Variants in ZNF821 observed in about 807,000 individuals in gnomAD.
The protein encoded by ZNF821 is zinc finger protein 821.
A neutral mutation model predicts 44.3 loss-of-function variants in ZNF821; 16 were observed. The observed-to-expected ratio is 0.36, with a 90% CI of 0.24 to 0.55. ZNF821 has a LOEUF of 0.55. Among genes scored for constraint, ZNF821 ranks in the 20% least tolerant of loss-of-function variants. The pLI, the probability that ZNF821 is intolerant of heterozygous loss-of-function variation, is 0.86. For synonymous variants in ZNF821, 204 were observed against 197.6 expected (o/e 1.03, Z -0.27); for missense variants, 436 against 547.6 (o/e 0.80, Z 2.03).
At chr16:71,861,729 A>C in intron 7 of ZNF821, 47 bp downstream of exon 7, 1 of 1,607,148 alleles carries the variant, frequency 6.2e-7, no homozygotes, top group Non-Finnish European at 8.5e-7. Flanking sequence ...CAGAACTCAC[A>C]CCCAGTAATT....
chr16:71,883,296 A>C (rs2036619023), intron 1 of ZNF821, 23 bp from the exon 2 acceptor site: 3 of 435,336 alleles, frequency 6.9e-6, no homozygotes, highest in Non-Finnish European at 1.4e-5. Context: ...AGAGGACAAG[A>C]AAGCTGGTCA....
At chr16:71,892,665 C>G (rs1040191468) in intron 1 of ZNF821, among the ~76,000 whole-genome samples, 8 of 150,352 alleles carry the variant, frequency 5.3e-5, no homozygotes, top group Non-Finnish European at 1.2e-4. Flanking sequence ...TCCGCCTCCC[C>G]GGTTCAAGCG....
intron 6 of ZNF821, among the ~76,000 whole-genome samples, chr16:71,862,484 A>C (rs2142348820): frequency 6.6e-6 from 1 of 152,170 alleles, no homozygotes; most frequent in East Asian, 1.9e-4. Context: ...CAAAAACAAA[A>C]CAAAACAAAA....
exon 1 of ZNF821, chr16:71,895,005 G>A (rs1157237744): frequency 1.7e-6 from 1 of 595,764 alleles, no homozygotes; most frequent in Non-Finnish European, 2.9e-6. Flanking sequence ...TAAAAGCGGG[G>A]CGGGGGAACG....
chr16:71,870,571 C>T (rs1359093072), intron 3 of ZNF821, among the ~76,000 whole-genome samples: 1 of 150,494 alleles, frequency 6.6e-6, no homozygotes, highest in East Asian at 1.9e-4. Flanking sequence ...CCTCTGCTTC[C>T]TGTGTTCAAG....
intron 7 of ZNF821, 50 bp downstream of exon 7, chr16:71,861,726 C>CA: frequency 6.2e-7 from 1 of 1,606,370 alleles, no homozygotes; most frequent in Non-Finnish European, 8.5e-7. Flanking sequence ...AAGCAGAACT[C>CA]ACACCCAGTA....
chr16:71,880,714 C>G (rs12447045), intron 2 of ZNF821, among the ~76,000 whole-genome samples: 102,844 of 152,126 alleles, frequency 0.68, 36,646 homozygotes, highest in East Asian at 0.98. Context: ...AGTACTAATT[C>G]AACACCCCAG....
intron 3 of ZNF821, among the ~76,000 whole-genome samples, chr16:71,876,457 G>T (rs1449058644): frequency 6.6e-6 from 1 of 151,970 alleles, no homozygotes; most frequent in Admixed American, 6.6e-5. Context: ...CTCCTGCCTC[G>T]GCCTCCCAAA....
intron 3 of ZNF821, among the ~76,000 whole-genome samples, chr16:71,868,725 T>G (rs2034832351): frequency 6.6e-6 from 1 of 151,864 alleles, no homozygotes; most frequent in African/African-American, 2.4e-5. Flanking sequence ...CAAATAATAT[T>G]CATGTAGTCT....
chr16:71,885,708 T>TA (rs2036825906), upstream of ZNF821, among the ~76,000 whole-genome samples: 3 of 152,234 alleles, frequency 2.0e-5, no homozygotes, highest in Non-Finnish European at 2.9e-5. Context: ...ATCTTGGTCC[T>TA]TCACAATTCT....
In ZNF821 at chr16:71,894,405, A is replaced by G. The variant is rs375923002; in HGVS notation, n.448+484T>C. ...GTAGCTGGGATTACAGGCTTGCGCC[A>G]CCATGCGTAATTTCCTCTTTAGTAG... On this transcript the variant is annotated intron_variant and non_coding_transcript_variant, in intron 1 of 2. Coordinates refer to the ZNF821 transcript ENST00000561700. 3.0e-3 allele frequency: 465 copies of G among 153,984 alleles called. 3 individuals are homozygous for G. Among genetic ancestry groups the G allele is most frequent in the African/African-American group, 0.011 (446 of 41,290 alleles). The allele number at this position is 153,984 out of a possible 1,614,324, so 9.5% of individuals were successfully genotyped here.
intron 3 of ZNF821, among the ~76,000 whole-genome samples, chr16:71,877,488 G>A (rs2035946697): frequency 6.6e-6 from 1 of 151,890 alleles, no homozygotes. Flanking sequence ...TCGAACTCTT[G>A]GGCTCATGCA....
chr16:71,887,758 C>T (rs1404230238), upstream of ZNF821, among the ~76,000 whole-genome samples: 2 of 151,944 alleles, frequency 1.3e-5, no homozygotes, highest in Non-Finnish European at 2.9e-5. Flanking sequence ...TTGCATTTCT[C>T]TAATGACTAA....
At chr16:71,879,532 T>C (rs2036204399) in intron 3 of ZNF821, among the ~76,000 whole-genome samples, 1 of 152,174 alleles carries the variant, frequency 6.6e-6, no homozygotes, top group Non-Finnish European at 1.5e-5. Context: ...CATATTTATA[T>C]ATCTGAGGTT....
chr16:71,871,297 A>G (rs2035169455), intron 3 of ZNF821, among the ~76,000 whole-genome samples: 3 of 152,212 alleles, frequency 2.0e-5, no homozygotes, highest in Admixed American at 6.5e-5. Context: ...GACTTGGGAA[A>G]AAGAATAAAG....
In ZNF821 at chr16:71,880,008, C is replaced by T; in HGVS notation, c.-62G>A. The T allele has an allele frequency of 1.3e-6, 2 of 1,504,480 alleles. No homozygotes were observed. The highest frequency in any genetic ancestry group is 1.8e-6 in the Non-Finnish European group (2 of 1,092,010). 93.2% of individuals were successfully genotyped at this position (1,504,480 alleles called of 1,614,324 possible). On this transcript the variant is annotated 5_prime_UTR_variant, in exon 3 of 8. Coordinates refer to ENST00000425432, the MANE Select transcript of ZNF821 (RefSeq NM_001201552.2). ...TCACGACTGGATATGTTACTACCTC[C>T]TTGCAAGATGCTAACCTGCAATAAA...
rs1351800254 is a variant in ZNF821 at position 71,860,619 on chromosome 16, T to C, written c.638A>G (p.Glu213Gly). The C allele has an allele frequency of 6.8e-6, 11 of 1,613,908 alleles. No individual in the cohort carries two copies. Among genetic ancestry groups the C allele is most frequent in the Middle Eastern group, 3.3e-4 (2 of 6,084 alleles). The change falls in exon 8 of 8, where the codon GAG becomes GGG. Residue 213 changes from glutamate to glycine, a missense_variant. This residue lies in a region of ZNF821 where 238 missense variants were observed against 281.4 expected (regional missense o/e 0.85). Coordinates refer to ENST00000425432, the MANE Select transcript of ZNF821 (RefSeq NM_001201552.2). This position sits in a 1 kb window ranked among gnomAD's most constrained non-coding sequence, Gnocchi z 7.3. ...NMESLPTVHN[E>G]GPSSAEGKDI... The stretch of plus-strand genomic sequence containing the variant: ...CTTCCCCTCAGCACTGGAGGGACCC[T>C]CATTGTGGACTGTGGGTAGGGATTC...
chr16:71,886,122 C>T (rs958099683), upstream of ZNF821, among the ~76,000 whole-genome samples: 4 of 152,210 alleles, frequency 2.6e-5, no homozygotes, highest in Non-Finnish European at 5.9e-5. Context: ...ATCTCCTTGA[C>T]TTCCAAATAA....
chr16:71,882,905 A>T (rs2036578987), intron 2 of ZNF821, among the ~76,000 whole-genome samples: 1 of 152,192 alleles, frequency 6.6e-6, no homozygotes, highest in Non-Finnish European at 1.5e-5. Context: ...CACTGCCTCA[A>T]TTTCCAAGCC....
Sources: gnomAD v4.1 joint callset for allele counts (sites outside exome capture counted in the v4.1 genomes callset) on GRCh38, gnomAD v4.1.1 for gene constraint, gnomAD v4.1.1 regional missense constraint, Gnocchi (gnomAD v3.1) non-coding constraint, MANE v1.5 for transcripts, NCBI Gene and HGNC (gene_info 2026-07-23, HGNC 2026-07-21) for gene names.